The following PCDH9 variants were observed in gnomAD, a reference collection of about 807,000 sequenced individuals.
The protein encoded by PCDH9 is protocadherin 9.
In PCDH9, 24 loss-of-function variants were observed where a neutral mutation model predicts 70.6. The observed-to-expected ratio is 0.34, with a 90% CI of 0.25 to 0.48. The LOEUF (loss-of-function observed/expected upper bound fraction) is 0.48. Ranked by LOEUF, PCDH9 falls within the 20% of genes least tolerant of loss-of-function variation. The pLI is 0.99. For missense variants in PCDH9, 1,281 were observed against 1,503.6 expected, an observed-to-expected ratio of 0.85 and a Z score of 2.45; for synonymous variants, 562 against 558.5, an observed-to-expected ratio of 1.01 and a Z score of -0.09.
chr13:66,829,312 C>T (rs758586857), intron 3 of PCDH9, among the ~76,000 whole-genome samples: 14 of 152,046 alleles, frequency 9.2e-5, no homozygotes, highest in Non-Finnish European at 1.5e-4. Flanking sequence ...CCATCGCTCC[C>T]GGCCGGGAAT....
intron 4 of PCDH9, among the ~76,000 whole-genome samples, chr13:66,560,601 A>G (rs1961966088): frequency 6.6e-6 from 1 of 152,226 alleles, no homozygotes; most frequent in South Asian, 2.1e-4. Context: ...TGAATGATGA[A>G]ATACTTAGCA....
At chr13:67,155,982 A>G (rs1198408038) in intron 2 of PCDH9, among the ~76,000 whole-genome samples, 1 of 152,058 alleles carries the variant, frequency 6.6e-6, no homozygotes, top group South Asian at 2.1e-4. Context: ...GGCCAATTTC[A>G]TCCTTCAGGT....
intron 2 of PCDH9, among the ~76,000 whole-genome samples, chr13:67,123,102 C>A (rs1349412199): frequency 6.6e-6 from 1 of 152,054 alleles, no homozygotes; most frequent in Non-Finnish European, 1.5e-5. Flanking sequence ...TTCTTCCCTT[C>A]AAACATGGAA....
chr13:66,597,293 C>G (rs1289320175), intron 4 of PCDH9, among the ~76,000 whole-genome samples: 1 of 151,460 alleles, frequency 6.6e-6, no homozygotes, highest in East Asian at 1.9e-4. Context: ...CACAAAGGAC[C>G]TTCAAAGTAG....
intron 2 of PCDH9, among the ~76,000 whole-genome samples, chr13:67,088,099 AT>A (rs34343096): frequency 0.32 from 46,275 of 146,420 alleles, 7,632 homozygotes; most frequent in East Asian, 0.74. Flanking sequence ...TATTTCATAG[AT>A]TTTTTTTTTT....
At chr13:67,133,066 A>G (rs2087145133) in intron 2 of PCDH9, among the ~76,000 whole-genome samples, 1 of 152,166 alleles carries the variant, frequency 6.6e-6, no homozygotes, top group Non-Finnish European at 1.5e-5. Context: ...CAAGACTTCA[A>G]ACAGCACTTT....
At chr13:67,021,093 G>A (rs530068252) in intron 2 of PCDH9, among the ~76,000 whole-genome samples, 4 of 152,146 alleles carry the variant, frequency 2.6e-5, no homozygotes, top group African/African-American at 9.6e-5. Flanking sequence ...CTTTTTAAGA[G>A]TTTCAGTCTT....
At chr13:66,782,855 A>G (rs1279746401) in intron 3 of PCDH9, 1 of 152,242 alleles carries the variant, frequency 6.6e-6, no homozygotes, top group Non-Finnish European at 1.5e-5. Flanking sequence ...TTTTCTGTCA[A>G]ATGGTAATGG....
intron 2 of PCDH9, chr13:67,206,540 T>A (rs2089352370): frequency 6.6e-6 from 1 of 152,196 alleles, no homozygotes; most frequent in South Asian, 2.1e-4. Flanking sequence ...AATAACTGAA[T>A]AATTTTGTAG....
chr13:67,077,579 T>C (rs1291749635), intron 2 of PCDH9, among the ~76,000 whole-genome samples: 2 of 152,214 alleles, frequency 1.3e-5, no homozygotes, highest in African/African-American at 4.8e-5. Flanking sequence ...ATGTTTAGAA[T>C]AGTATCTGGC....
chr13:66,888,972 A>G (rs1594211728), intron 3 of PCDH9, among the ~76,000 whole-genome samples: 1 of 152,320 alleles, frequency 6.6e-6, no homozygotes, highest in East Asian at 1.9e-4. Context: ...TCACAAGCTC[A>G]ATTGTAGAAC....
At chr13:67,023,518 A>G (rs1290981794) in intron 2 of PCDH9, among the ~76,000 whole-genome samples, 1 of 152,244 alleles carries the variant, frequency 6.6e-6, no homozygotes, top group African/African-American at 2.4e-5. Flanking sequence ...ATGACACCCA[A>G]TAGCCAAGTC....
In PCDH9 at chr13:66,491,346, C is replaced by T. The variant is rs111401671; in HGVS notation, c.3340+139864G>A. 4.7e-3 allele frequency among the ~76,000 whole-genome samples: 657 copies of T among 138,414 alleles called. 7 individuals are homozygous for T. The highest frequency in any genetic ancestry group is 0.017 in the African/African-American group (628 of 37,384). 90.8% of individuals were successfully genotyped at this position (138,414 alleles called of 152,430 possible). ...CACCTAGAACGGAACAGATTTTGGCCAAGGAAATGGTGTGTGTGTTGGGTG... is the reference window on the plus strand; with the variant it reads ...CACCTAGAACGGAACAGATTTTGGCTAAGGAAATGGTGTGTGTGTTGGGTG... On this transcript the variant is annotated intron_variant, in intron 4 of 4. Transcript: ENST00000377865.
At chr13:66,325,380 T>G (rs1045504464) in intron 4 of PCDH9, among the ~76,000 whole-genome samples, 2 of 152,044 alleles carry the variant, frequency 1.3e-5, no homozygotes, top group African/African-American at 4.8e-5. Flanking sequence ...GCATTCATGA[T>G]GTCTCTAGGA....
At chr13:66,644,255 CTAACAT>C (rs1194899643) in intron 3 of PCDH9, among the ~76,000 whole-genome samples, 19 of 151,718 alleles carry the variant, frequency 1.3e-4, no homozygotes, top group East Asian at 3.9e-4. Flanking sequence ...TAAGTTAACA[CTAACAT>C]TAACTATGAA....
intron 3 of PCDH9, among the ~76,000 whole-genome samples, chr13:66,632,110 A>G (rs1239149653): frequency 1.3e-5 from 2 of 151,942 alleles, no homozygotes; most frequent in Non-Finnish European, 2.9e-5. Flanking sequence ...GGCCAGGCTG[A>G]TCTTGAACTC....
chr13:66,885,004 C>A (rs1452415971), intron 3 of PCDH9, among the ~76,000 whole-genome samples: 2 of 152,128 alleles, frequency 1.3e-5, no homozygotes. Context: ...AAATTTCTCT[C>A]TCCTGATAGT....
chr13:67,062,274 C>G (rs1048519971), intron 2 of PCDH9, among the ~76,000 whole-genome samples: 1 of 152,172 alleles, frequency 6.6e-6, no homozygotes, highest in Admixed American at 6.5e-5. Flanking sequence ...CACATTTAAG[C>G]TTGTGACCTG....
intron 4 of PCDH9, among the ~76,000 whole-genome samples, chr13:66,327,451 A>G (rs1955867722): frequency 6.6e-6 from 1 of 152,176 alleles, no homozygotes; most frequent in Non-Finnish European, 1.5e-5. Flanking sequence ...AAAAGGGATT[A>G]TTTTGTTTAG....
Sources: allele counts gnomAD v4.1 joint callset (sites outside exome capture counted in the v4.1 genomes callset), GRCh38; gene constraint gnomAD v4.1.1; transcripts MANE v1.5; gene names NCBI Gene and HGNC (gene_info 2026-07-23, HGNC 2026-07-21).